The following PIK3R3 variants were observed in gnomAD, a reference collection of about 807,000 sequenced individuals.
PIK3R3 encodes phosphoinositide-3-kinase regulatory subunit 3.
Under a neutral mutation model 62.9 loss-of-function variants are expected in PIK3R3, and 64 were observed. The observed-to-expected ratio is 1.02, with a 90% CI of 0.83 to 1.25. The LOEUF is 1.25. Ranked by LOEUF, PIK3R3 falls within the 50% of genes most tolerant of loss-of-function variation. The pLI is 0.00. For missense variants in PIK3R3, 614 were observed against 561.6 expected, an observed-to-expected ratio of 1.09 and a Z score of -0.94; for synonymous variants, 165 against 189.0, an observed-to-expected ratio of 0.87 and a Z score of 1.04.
At position 46,043,603 on chromosome 1, in the gene PIK3R3, G is replaced by T; in HGVS notation, c.*70C>A. On this transcript the variant is annotated 3_prime_UTR_variant, in exon 10 of 10. Transcript: ENST00000262741. ...AACAAGCAGTCTATGTAGAAAGAAT[G>T]CCCTCATCGTAGTCTAATAAAAACT... is the stretch of plus-strand genomic sequence containing the variant. The T allele has an allele frequency of 1.6e-6, 2 of 1,284,962 alleles. No individual in the cohort carries two copies. Among genetic ancestry groups the T allele is most frequent in the Non-Finnish European group, 2.3e-6 (2 of 886,984 alleles). The allele number at this position is 1,284,962 out of a possible 1,614,324, so 79.6% of individuals were successfully genotyped here.
chr1:46,069,568 A>T (rs1173487045), intron 3 of PIK3R3, among the ~76,000 whole-genome samples: 1 of 152,156 alleles, frequency 6.6e-6, no homozygotes, highest in Non-Finnish European at 1.5e-5. Context: ...TTGGTTTTAG[A>T]CACTTTAAGT....
Position 46,043,342 on chromosome 1 carries a change from A to G in PIK3R3, c.*331T>C. ...GACATGGTCTCTTCAGAGGCTTCCA[A>G]ATACAACCCCACCCGCTATAACCAT... On this transcript the variant is annotated 3_prime_UTR_variant, in exon 10 of 10. Coordinates refer to ENST00000262741, the MANE Select transcript of PIK3R3 (RefSeq NM_003629.4). 2.7e-6 allele frequency: 1 copy of G among 370,838 alleles called. No individual in the cohort carries two copies. 23.0% of individuals were successfully genotyped at this position (370,838 alleles called of 1,614,324 possible).
At chr1:46,064,650 T>C (rs991142055) in intron 5 of PIK3R3, among the ~76,000 whole-genome samples, 5 of 151,946 alleles carry the variant, frequency 3.3e-5, no homozygotes, top group Admixed American at 6.5e-5. Flanking sequence ...GAAATAAATA[T>C]TTGAAAGTCC....
At chr1:46,102,529 T>C (rs891823742) in intron 1 of PIK3R3, among the ~76,000 whole-genome samples, 1 of 152,028 alleles carries the variant, frequency 6.6e-6, no homozygotes, top group Non-Finnish European at 1.5e-5. Context: ...TTTTTCTTGA[T>C]TTAGGAAGAA....
chr1:46,115,178 T>A (rs1290630021), intron 1 of PIK3R3, among the ~76,000 whole-genome samples: 1 of 152,132 alleles, frequency 6.6e-6, no homozygotes, highest in Non-Finnish European at 1.5e-5. Flanking sequence ...TAATACAGGG[T>A]AAAGCCAAGA....
At chr1:46,169,527 G>C in the PIK3R3 span, among the ~76,000 whole-genome samples, 1 of 152,158 alleles carries the variant, frequency 6.6e-6, no homozygotes. Flanking sequence ...CCTAAAAGCT[G>C]CACTTAAACA....
At chr1:46,061,724 TA>T (rs1648503620) in intron 6 of PIK3R3, among the ~76,000 whole-genome samples, 1 of 152,170 alleles carries the variant, frequency 6.6e-6, no homozygotes, top group Non-Finnish European at 1.5e-5. Context: ...TCCTAACGGA[TA>T]AGCAGGAGTT....
upstream of PIK3R3, among the ~76,000 whole-genome samples, chr1:46,137,174 T>A (rs1655962023): frequency 6.6e-6 from 1 of 152,200 alleles, no homozygotes; most frequent in Non-Finnish European, 1.5e-5. Flanking sequence ...CCTTTCCCGC[T>A]GCACCACACA....
chr1:46,155,934 G>C, the PIK3R3 span, among the ~76,000 whole-genome samples: 42 of 152,130 alleles, frequency 2.8e-4, no homozygotes, highest in Non-Finnish European at 2.8e-4. Context: ...TGGCAGATCT[G>C]AGTATTTATA....
At chr1:46,138,686 C>T in the PIK3R3 span, among the ~76,000 whole-genome samples, 1 of 152,222 alleles carries the variant, frequency 6.6e-6, no homozygotes, top group Admixed American at 6.5e-5. Flanking sequence ...CCTCCCCAAA[C>T]ACTTCTGCAG....
intron 1 of PIK3R3, among the ~76,000 whole-genome samples, chr1:46,108,007 AAAG>A (rs1190083407): frequency 4.6e-5 from 7 of 152,190 alleles, no homozygotes; most frequent in South Asian, 2.1e-4. Context: ...CTTCACCTAT[AAAG>A]AAGAACTAAT....
chr1:46,128,879 GA>G (rs1378234516), intron 1 of PIK3R3, among the ~76,000 whole-genome samples: 1 of 152,078 alleles, frequency 6.6e-6, no homozygotes, highest in Non-Finnish European at 1.5e-5. Flanking sequence ...TCAGGAGTTC[GA>G]TATCAGCCTG....
intron 5 of PIK3R3, among the ~76,000 whole-genome samples, chr1:46,062,553 C>T (rs1300532856): frequency 1.3e-5 from 2 of 149,326 alleles, no homozygotes; most frequent in South Asian, 4.3e-4. Context: ...CCAGCCTGGG[C>T]GACAGGGCAA....
At chr1:46,053,005 T>C (rs785471) in intron 7 of PIK3R3, among the ~76,000 whole-genome samples, 67,860 of 152,012 alleles carry the variant, frequency 0.45, 15,320 homozygotes, top group East Asian at 0.62. Flanking sequence ...TTACTACCAG[T>C]CTTCTTCAGG....
intron 2 of PIK3R3, 134 bp from the exon 3 acceptor site, chr1:46,077,747 C>A: frequency 1.7e-6 from 1 of 601,384 alleles, no homozygotes; most frequent in Non-Finnish European, 3.0e-6. Context: ...AATAACGGAG[C>A]CATTTAGAGG....
intron 3 of PIK3R3, among the ~76,000 whole-genome samples, chr1:46,071,696 C>T (rs1450938537): frequency 5.8e-5 from 1 of 17,220 alleles, no homozygotes; most frequent in Admixed American, 8.1e-4. Flanking sequence ...ACTCTGTCTC[C>T]AAAAAAAAAA....
chr1:46,062,138 T>A, intron 5 of PIK3R3, 67 bp from the exon 6 acceptor site: 2 of 1,394,610 alleles, frequency 1.4e-6, no homozygotes, highest in South Asian at 1.3e-5. Context: ...ACCTTGGTCT[T>A]AAACAAATTT....
the PIK3R3 span, among the ~76,000 whole-genome samples, chr1:46,173,876 C>T: frequency 6.6e-6 from 1 of 152,148 alleles, no homozygotes; most frequent in African/African-American, 2.4e-5. Context: ...TGCACACACA[C>T]ATACTACACA....
At chr1:46,120,666 C>T (rs1654597536) in intron 1 of PIK3R3, among the ~76,000 whole-genome samples, 1 of 152,188 alleles carries the variant, frequency 6.6e-6, no homozygotes, top group Admixed American at 6.5e-5. Flanking sequence ...TTGACAAAGA[C>T]AATAACACTG....
Sources: gnomAD v4.1 joint callset for allele counts (sites outside exome capture counted in the v4.1 genomes callset) on GRCh38, gnomAD v4.1.1 for gene constraint, MANE v1.5 for transcripts, NCBI Gene and HGNC (gene_info 2026-07-23, HGNC 2026-07-21) for gene names.